The following NKX2-2 variants were observed in gnomAD, a reference collection of about 807,000 sequenced individuals.
NKX2-2 encodes NK2 homeobox 2.
NKX2-2 carries 8 observed loss-of-function variants against 24.6 expected under a neutral mutation model. The observed-to-expected ratio is 0.32, with a 90% CI of 0.19 to 0.59. The LOEUF (loss-of-function observed/expected upper bound fraction) is 0.59, where lower values mean the gene tolerates loss of function less well. NKX2-2 is among the 20% of genes least tolerant of loss of function. The pLI is 0.86. For synonymous variants in NKX2-2, 217 were observed against 173.3 expected, an observed-to-expected ratio of 1.25 and a Z score of -1.98; for missense variants, 381 against 373.9, an observed-to-expected ratio of 1.02 and a Z score of -0.16.
upstream of NKX2-2, among the ~76,000 whole-genome samples, chr20:21,516,337 G>T (rs1980637745): frequency 6.7e-6 from 1 of 148,378 alleles, no homozygotes; most frequent in South Asian, 2.1e-4. Context: ...TTTTCCCCTG[G>T]AAGAATTAGA....
In NKX2-2 at chr20:21,512,073, T is replaced by C. The variant is rs746254887; in HGVS notation, c.672A>G (p.Ala224=). 18 of 1,613,694 alleles carry C rather than the reference T, an allele frequency of 1.1e-5. No individual in the cohort carries two copies. Among genetic ancestry groups the C allele is most frequent in the Non-Finnish European group, 8.5e-7 (1 of 1,179,950 alleles). Residue 224 remains alanine, a synonymous_variant, in exon 2 of 2, where the codon GCA becomes GCG. Coordinates refer to ENST00000377142, the MANE Select transcript of NKX2-2 (RefSeq NM_002509.4). ...PCHALKAQDL[A]AATFQAGIPF... ...GAATGCCCGCCTGGAAGGTGGCGGC[T>C]GCCAGGTCCTGGGCTTTGAGCGCGT...
At chr20:21,518,721 C>T (rs1412948891), upstream of NKX2-2, among the ~76,000 whole-genome samples, 1 of 152,254 alleles carries the variant, frequency 6.6e-6, no homozygotes, top group Non-Finnish European at 1.5e-5. Flanking sequence ...CCCTCCCACG[C>T]CTCAGCTTTA....
At chr20:21,522,593 C>T in the NKX2-2 span, among the ~76,000 whole-genome samples, 1 of 152,118 alleles carries the variant, frequency 6.6e-6, no homozygotes, top group South Asian at 2.1e-4. Context: ...GCTGGAGCCT[C>T]GGCTGGGCGA....
chr20:21,516,205 T>G (rs1980633423), upstream of NKX2-2, among the ~76,000 whole-genome samples: 1 of 152,138 alleles, frequency 6.6e-6, no homozygotes. Flanking sequence ...CAATGGACTA[T>G]CTCTTCATTC....
At chr20:21,518,359 C>A (rs1402919224), upstream of NKX2-2, among the ~76,000 whole-genome samples, 1 of 152,150 alleles carries the variant, frequency 6.6e-6, no homozygotes, top group Non-Finnish European at 1.5e-5. Flanking sequence ...AGGTTGAGAA[C>A]GGACGCATTG....
Position 21,511,612 on chromosome 20 carries a change from C to T in NKX2-2, c.*311G>A, listed in dbSNP as rs148043874. On this transcript the variant is annotated 3_prime_UTR_variant, in exon 2 of 2. Coordinates refer to ENST00000377142, the MANE Select transcript of NKX2-2 (RefSeq NM_002509.4). The stretch of plus-strand genomic sequence containing the variant: ...TCAAGTGACGACATTAACGCTGGGA[C>T]GGTTTGGTCCCCCCGGGGAGAGGCA... 4.7e-3 allele frequency: 1,237 copies of T among 264,266 alleles called. 5 individuals are homozygous for T. Among genetic ancestry groups the T allele is most frequent in the Admixed American group, 6.5e-3 (124 of 18,950 alleles). 16.4% of individuals were successfully genotyped at this position (264,266 alleles called of 1,614,324 possible). A position where few individuals can be genotyped will look rare whatever the true frequency, so the allele number is the denominator to read the frequency against.
the NKX2-2 span, among the ~76,000 whole-genome samples, chr20:21,521,520 T>A: frequency 6.6e-6 from 1 of 152,278 alleles, no homozygotes; most frequent in African/African-American, 2.4e-5. Context: ...GCTCCTCCTG[T>A]CTGCGACTCC....
intron 1 of NKX2-2, among the ~76,000 whole-genome samples, chr20:21,512,921 C>A (rs1220842687): frequency 1.3e-5 from 2 of 152,172 alleles, no homozygotes; most frequent in African/African-American, 4.8e-5. Context: ...TGCTTTCGGG[C>A]CTTCTAGACA....
chr20:21,515,185 A>G (rs935168826), upstream of NKX2-2, among the ~76,000 whole-genome samples: 58 of 149,964 alleles, frequency 3.9e-4, no homozygotes, highest in Admixed American at 3.3e-4. Context: ...CCTGCCCTCT[A>G]TTATCCCTCC....
At chr20:21,521,215 C>T in the NKX2-2 span, among the ~76,000 whole-genome samples, 1 of 152,086 alleles carries the variant, frequency 6.6e-6, no homozygotes, top group African/African-American at 2.4e-5. Flanking sequence ...CCCCTAGACG[C>T]AACGTCCCCT....
At position 21,512,376 on chromosome 20, in the gene NKX2-2, C is replaced by G; in HGVS notation, c.369G>C (p.Gly123=). Residue 123 remains glycine (G), a synonymous_variant, in exon 2 of 2, where the codon GGG becomes GGC. Transcript: ENST00000377142. Reference sequence around the variant, plus strand: ...GCCGCTTTCGCTTCTTGCCGGCGTCCCCCCCGCCGCCCGGGGTCTCCTTGT... The same window carrying G: ...GCCGCTTTCGCTTCTTGCCGGCGTCGCCCCCGCCGCCCGGGGTCTCCTTGT... ...DNDKETPGGG[G]DAGKKRKRRV... 3.7e-6 allele frequency: 6 copies of G among 1,603,072 alleles called. No homozygotes were observed. Among genetic ancestry groups the G allele is most frequent in the South Asian group, 1.1e-5 (1 of 89,580 alleles).
At chr20:21,518,550 C>T (rs1036735797), upstream of NKX2-2, among the ~76,000 whole-genome samples, 1 of 152,136 alleles carries the variant, frequency 6.6e-6, no homozygotes, top group Non-Finnish European at 1.5e-5. Flanking sequence ...GGAGGGGAGG[C>T]GAATGTACAC....
chr20:21,521,450 A>T, the NKX2-2 span, among the ~76,000 whole-genome samples: 5 of 150,924 alleles, frequency 3.3e-5, no homozygotes, highest in Non-Finnish European at 7.4e-5. Flanking sequence ...CGCCTCCCAA[A>T]CTCCAGTCTT....
At chr20:21,522,329 G>T in the NKX2-2 span, among the ~76,000 whole-genome samples, 3 of 152,162 alleles carry the variant, frequency 2.0e-5, no homozygotes, top group Non-Finnish European at 4.4e-5. Context: ...CGGCGGCGAC[G>T]ACGGTGCCCC....
chr20:21,513,523 C>T lies in NKX2-2; in HGVS notation c.147G>A (p.Gly49=). 1 of 1,612,924 alleles carries T rather than the reference C, an allele frequency of 6.2e-7. No individual in the cohort carries two copies. The highest frequency in any genetic ancestry group is 8.5e-7 in the Non-Finnish European group (1 of 1,179,526). ...TCTGCACCGCGTCCAGGGCGCCCTG[C>T]CCCAGCGGCCCGGCCCTCTTGGCTG... The part of the protein sequence containing the change: ...PEPAKRAGPL[G]QGALDAVQSL... Residue 49 remains glycine (G), a synonymous_variant, in exon 1 of 2, where the codon GGG becomes GGA. Coordinates refer to ENST00000377142, the MANE Select transcript of NKX2-2 (RefSeq NM_002509.4). The surrounding 1 kb of genome is among the most constrained non-coding windows in gnomAD (Gnocchi z 4.6).
chr20:21,515,917 C>A (rs889306287), upstream of NKX2-2, among the ~76,000 whole-genome samples: 1 of 152,210 alleles, frequency 6.6e-6, no homozygotes, highest in African/African-American at 2.4e-5. Flanking sequence ...CAGTATGTGA[C>A]GTGGGTGACA....
chr20:21,517,831 C>G (rs1266158163), upstream of NKX2-2, among the ~76,000 whole-genome samples: 1 of 152,196 alleles, frequency 6.6e-6, no homozygotes, highest in Non-Finnish European at 1.5e-5. Flanking sequence ...CTTCTAGAGC[C>G]CAGGAGCTTT....
At position 21,512,379 on chromosome 20, in the gene NKX2-2, C is replaced by T; in HGVS notation, c.366G>A (p.Gly122=). 16 of 1,603,204 alleles carry T rather than the reference C, an allele frequency of 1.0e-5. No homozygotes were observed. The highest frequency in any genetic ancestry group is 1.3e-5 in the Non-Finnish European group (15 of 1,176,346). ...GCTTTCGCTTCTTGCCGGCGTCCCC[C>T]CCGCCGCCCGGGGTCTCCTTGTCAT... ...PDNDKETPGG[G]GDAGKKRKRR... Residue 122 remains glycine (G), a synonymous_variant, in exon 2 of 2, where the codon GGG becomes GGA. Coordinates refer to ENST00000377142, the MANE Select transcript of NKX2-2 (RefSeq NM_002509.4).
At chr20:21,514,917 C>A (rs947693361), upstream of NKX2-2, among the ~76,000 whole-genome samples, 1 of 152,260 alleles carries the variant, frequency 6.6e-6, no homozygotes, top group Non-Finnish European at 1.5e-5. Context: ...CCCTTCCAGC[C>A]GCCCTTTATT....
Sources: allele counts gnomAD v4.1 joint callset (sites outside exome capture counted in the v4.1 genomes callset), GRCh38; gene constraint gnomAD v4.1.1; non-coding constraint Gnocchi (gnomAD v3.1); transcripts MANE v1.5; gene names NCBI Gene and HGNC (gene_info 2026-07-23, HGNC 2026-07-21).